Variants in PLCXD1 observed in about 807,000 individuals in gnomAD.
PLCXD1 encodes the protein phosphatidylinositol specific phospholipase C X domain containing 1, also known as PI-PLC X domain-containing protein 1.
PLCXD1 carries 45 observed loss-of-function variants against 37.8 expected under a neutral mutation model. That is an observed-to-expected ratio of 1.19 (90% CI 0.94 to 1.53). The LOEUF (loss-of-function observed/expected upper bound fraction) is 1.53. Ranked by LOEUF, PLCXD1 falls within the 40% of genes most tolerant of loss-of-function variation. The pLI, the probability that PLCXD1 is intolerant of heterozygous loss-of-function variation, is 0.00. For missense variants in PLCXD1, 539 were observed against 454.7 expected (o/e 1.19, Z -1.69); for synonymous variants, 246 against 206.9 (o/e 1.19, Z -1.62).
At chrX:287,998 G>C in intron 2 of PLCXD1, among the ~76,000 whole-genome samples, 1 of 145,872 alleles carries the variant, frequency 6.9e-6, no homozygotes, top group East Asian at 1.9e-4. Context: ...CTAGGGGAGG[G>C]TCCTTCCTGC....
chrX:289,311 TCTC>T (rs1227587840), intron 3 of PLCXD1, among the ~76,000 whole-genome samples: 4 of 151,756 alleles, frequency 2.6e-5, no homozygotes, highest in Non-Finnish European at 4.4e-5. Flanking sequence ...ATGGTCTTGA[TCTC>T]CTGACCTCAT....
Position 294,281 on chromosome X carries a change from G to C in PLCXD1, c.733+1063G>C, listed in dbSNP as rs753966673. 1.2e-4 allele frequency among the ~76,000 whole-genome samples: 18 copies of C among 152,316 alleles called. 1 individual carries two copies. The South Asian group carries it at 2.7e-3, about 23-fold the overall frequency. On this transcript the variant is annotated intron_variant, in intron 6 of 6. Coordinates refer to ENST00000381657, the MANE Select transcript of PLCXD1 (RefSeq NM_018390.4). ...GCGGATCATGAGGTCAGGAGATCGA[G>C]ACCATCCCGGCTAACATGGAGAAAC...
At chrX:279,766 C>T (rs1391060619), upstream of PLCXD1, among the ~76,000 whole-genome samples, 8 of 143,776 alleles carry the variant, frequency 5.6e-5, no homozygotes, top group Admixed American at 5.4e-4. Flanking sequence ...AGAGCGAGAC[C>T]CTGTCTCTGA....
chrX:280,331 G>A (rs759996272), upstream of PLCXD1, among the ~76,000 whole-genome samples: 37 of 79,918 alleles, frequency 4.6e-4, no homozygotes, highest in East Asian at 1.5e-3. Context: ...GCCGTGCAGG[G>A]GGAGGGGAGG....
chrX:291,297 C>T (rs1464973215), intron 4 of PLCXD1, among the ~76,000 whole-genome samples: 2 of 152,036 alleles, frequency 1.3e-5, no homozygotes, highest in African/African-American at 4.8e-5. Flanking sequence ...AGACGCCGGA[C>T]ACCACGCCCA....
At chrX:296,663 A>C (rs764428877) in intron 6 of PLCXD1, among the ~76,000 whole-genome samples, 1 of 152,268 alleles carries the variant, frequency 6.6e-6, no homozygotes, top group East Asian at 1.9e-4. Context: ...GTCAACGTCA[A>C]CCCTCTCTAT....
intron 1 of PLCXD1, among the ~76,000 whole-genome samples, chrX:282,942 A>G (rs2069316533): frequency 8.5e-6 from 1 of 117,352 alleles, no homozygotes; most frequent in South Asian, 2.5e-4. Context: ...TGTTATATAT[A>G]TATTATATAT....
In PLCXD1 at chrX:299,795, C is replaced by A; in HGVS notation, c.*460C>A. 5.6e-6 allele frequency: 1 copy of A among 178,862 alleles called. No individual in the cohort carries two copies. The highest frequency in any genetic ancestry group is 1.2e-5 in the Non-Finnish European group (1 of 84,936). 11.1% of individuals were successfully genotyped at this position (178,862 alleles called of 1,614,324 possible). A position where few individuals can be genotyped will look rare whatever the true frequency, so the allele number is the denominator to read the frequency against. On this transcript the variant is annotated 3_prime_UTR_variant, in exon 7 of 7. Coordinates refer to ENST00000381657, the MANE Select transcript of PLCXD1 (RefSeq NM_018390.4). ...ACAGCCGAGTGTGCAGTGACTCACG[C>A]CTGTCATCCCAGCACTTTGGGAGGC...
At chrX:276,410 C>T (rs1008086129), upstream of PLCXD1, 1 of 152,428 alleles carries the variant, frequency 6.6e-6, no homozygotes, top group African/African-American at 2.4e-5. Flanking sequence ...TGTGTCTACC[C>T]CGTTCTCCTG....
intron 3 of PLCXD1, among the ~76,000 whole-genome samples, chrX:289,235 C>T (rs1447668312): frequency 6.6e-6 from 1 of 152,070 alleles, no homozygotes; most frequent in Non-Finnish European, 1.5e-5. Context: ...CTACAGGCAC[C>T]TGTCACCACA....
At chrX:297,678 T>C (rs865940948) in intron 6 of PLCXD1, among the ~76,000 whole-genome samples, 616 of 44,562 alleles carry the variant, frequency 0.014, no homozygotes, top group African/African-American at 0.093. Context: ...ACATGGGGAT[T>C]AGGACGTGGA....
At chrX:286,761 C>T (rs1382827789) in intron 2 of PLCXD1, among the ~76,000 whole-genome samples, 1 of 152,060 alleles carries the variant, frequency 6.6e-6, no homozygotes, top group East Asian at 1.9e-4. Flanking sequence ...ATTTTAACTC[C>T]CAGGGCTGGG....
intron 6 of PLCXD1, among the ~76,000 whole-genome samples, chrX:295,959 G>C (rs1415254636): frequency 6.6e-6 from 1 of 151,670 alleles, no homozygotes; most frequent in Admixed American, 6.6e-5. Flanking sequence ...TCCCGCCTCA[G>C]CCTCCCACCA....
chrX:291,698 G>A (rs890770194), intron 5 of PLCXD1, 44 bp downstream of exon 5: 3 of 1,596,092 alleles, frequency 1.9e-6, no homozygotes, highest in Non-Finnish European at 1.7e-6. Flanking sequence ...CGGGGCAGGG[G>A]CATCGTCAGC....
chrX:281,202 G>A, upstream of PLCXD1: 1 of 251,192 alleles, frequency 4.0e-6, no homozygotes, highest in Non-Finnish European at 7.9e-6. Flanking sequence ...GCCTTTTCCA[G>A]CTGGCTGCAG....
At chrX:296,832 A>G (rs34439006) in intron 6 of PLCXD1, among the ~76,000 whole-genome samples, 10,920 of 113,690 alleles carry the variant, frequency 0.096, 17 homozygotes, top group African/African-American at 0.17. Context: ...TATCCTGTCT[A>G]CCTCATGGGG....
chrX:280,145 G>A (rs2069231887), upstream of PLCXD1, among the ~76,000 whole-genome samples: 1 of 152,186 alleles, frequency 6.6e-6, no homozygotes, highest in Admixed American at 6.5e-5. Flanking sequence ...GCGTGAGCCA[G>A]CGGGCCCCGC....
intron 6 of PLCXD1, among the ~76,000 whole-genome samples, chrX:296,118 TG>T (rs1276001921): frequency 6.6e-6 from 1 of 151,552 alleles, no homozygotes; most frequent in African/African-American, 2.4e-5. Flanking sequence ...GGCCTTTTTT[TG>T]TTTGTTTTGT....
chrX:287,496 AG>A (rs2069489162), intron 2 of PLCXD1, among the ~76,000 whole-genome samples: 1 of 128,202 alleles, frequency 7.8e-6, no homozygotes, highest in Non-Finnish European at 1.6e-5. Context: ...ATATAGATAT[AG>A]ATACTATATA....
Sources: allele counts gnomAD v4.1 joint callset (sites outside exome capture counted in the v4.1 genomes callset), GRCh38; gene constraint gnomAD v4.1.1; transcripts MANE v1.5; gene names NCBI Gene and HGNC (gene_info 2026-07-23, HGNC 2026-07-21).